Variants in GUCY1A2 observed in about 807,000 individuals in gnomAD.
GUCY1A2 encodes the protein guanylate cyclase 1 soluble subunit alpha 2, also known as guanylate cyclase soluble subunit alpha-2.
A neutral mutation model predicts 63.5 loss-of-function variants in GUCY1A2; 27 were observed. The ratio of observed to expected loss-of-function variants is 0.43; its 90% confidence interval spans 0.31 to 0.59. The LOEUF (loss-of-function observed/expected upper bound fraction) is 0.59, where lower values mean the gene tolerates loss of function less well. Among genes scored for constraint, GUCY1A2 ranks in the 20% least tolerant of loss-of-function variants. GUCY1A2 has a pLI of 0.11. For missense variants in GUCY1A2, 768 were observed against 913.3 expected, an observed-to-expected ratio of 0.84 and a Z score of 2.05; for synonymous variants, 364 against 343.5, an observed-to-expected ratio of 1.06 and a Z score of -0.66.
chr11:106,877,015 C>T (rs182305435), intron 4 of GUCY1A2, among the ~76,000 whole-genome samples: 4 of 152,018 alleles, frequency 2.6e-5, no homozygotes, highest in South Asian at 2.1e-4. Flanking sequence ...CTTATAAGAA[C>T]GAAGCAAAGG....
Position 106,978,503 on chromosome 11 carries a change from G to T in GUCY1A2, c.487+116C>A, listed in dbSNP as rs1415465971. 9 of 615,540 alleles carry T rather than the reference G, an allele frequency of 1.5e-5. No individual in the cohort carries two copies. The East Asian group carries it at 2.8e-4, about 19-fold the overall frequency. The allele number at this position is 615,540 out of a possible 1,614,324, so 38.1% of individuals were successfully genotyped here. On this transcript the variant is annotated intron_variant, in intron 3 of 7. Transcript: ENST00000526355. ...ACACCCATCACTTCACAAGGTCTGG[G>T]TCTCAACTTGCCATATTCTCCACAT... is the stretch of plus-strand genomic sequence containing the variant.
chr11:106,869,938 G>C (rs1006194388), intron 4 of GUCY1A2, among the ~76,000 whole-genome samples: 1 of 152,062 alleles, frequency 6.6e-6, no homozygotes. Context: ...AAAAAAGGAT[G>C]AGTTCATGTC....
chr11:106,970,637 A>G (rs1268128811), intron 3 of GUCY1A2, among the ~76,000 whole-genome samples: 1 of 152,178 alleles, frequency 6.6e-6, no homozygotes, highest in Non-Finnish European at 1.5e-5. Flanking sequence ...TGCTTTTGGA[A>G]AGGCAAATGG....
chr11:106,708,498 C>T lies in GUCY1A2; in HGVS notation c.1991+14G>A, dbSNP rs1477670864. 6.2e-7 allele frequency: 1 copy of T among 1,604,098 alleles called. No homozygotes were observed. The highest frequency in any genetic ancestry group is 1.3e-5 in the African/African-American group (1 of 74,304). On this transcript the variant is annotated intron_variant, in intron 7 of 7. Transcript: ENST00000526355. ...AAGGCCAAGACAGGAAGGAGGAGGC[C>T]AGAGAACACTTACTGGTAAGTGGTT...
intron 6 of GUCY1A2, among the ~76,000 whole-genome samples, chr11:106,724,880 T>C (rs1048556329): frequency 7.9e-5 from 12 of 152,222 alleles, no homozygotes; most frequent in Admixed American, 6.5e-4. Context: ...TTTCATTTAC[T>C]AGATTAGCTT....
intron 1 of GUCY1A2, among the ~76,000 whole-genome samples, chr11:107,012,249 GCTT>G (rs753981864): frequency 1.3e-3 from 163 of 123,122 alleles, no homozygotes; most frequent in Non-Finnish European, 2.2e-3. Context: ...AAAATACAGT[GCTT>G]CTTATTACTT....
At chr11:106,954,006 T>A (rs1295278198) in intron 3 of GUCY1A2, among the ~76,000 whole-genome samples, 1 of 152,176 alleles carries the variant, frequency 6.6e-6, no homozygotes, top group Admixed American at 6.5e-5. Flanking sequence ...TTCATGTCTC[T>A]ATCTCCTTCA....
intron 4 of GUCY1A2, among the ~76,000 whole-genome samples, chr11:106,894,992 C>G (rs1313940742): frequency 6.6e-6 from 1 of 152,068 alleles, no homozygotes; most frequent in Non-Finnish European, 1.5e-5. Context: ...GTTAATAAAA[C>G]TAATAAGCCT....
At chr11:106,904,715 T>G (rs1436807417) in intron 4 of GUCY1A2, among the ~76,000 whole-genome samples, 2 of 151,956 alleles carry the variant, frequency 1.3e-5, no homozygotes, top group African/African-American at 4.8e-5. Context: ...ATATTTTATT[T>G]AGGTCCAAAA....
At chr11:106,765,857 T>C (rs767170823) in intron 6 of GUCY1A2, among the ~76,000 whole-genome samples, 1 of 150,458 alleles carries the variant, frequency 6.6e-6, no homozygotes, top group African/African-American at 2.5e-5. Flanking sequence ...TTTTTTATGA[T>C]TGATTGGTTT....
At chr11:106,883,951 A>G (rs138353334) in intron 4 of GUCY1A2, among the ~76,000 whole-genome samples, 4,851 of 152,228 alleles carry the variant, frequency 0.032, 247 homozygotes, top group African/African-American at 0.11. Flanking sequence ...CAGAAAACGA[A>G]ACACCACATG....
intron 4 of GUCY1A2, among the ~76,000 whole-genome samples, chr11:106,880,835 T>C (rs1296720772): frequency 6.6e-6 from 1 of 152,078 alleles, no homozygotes; most frequent in Non-Finnish European, 1.5e-5. Context: ...ATTATTGTTG[T>C]TTGTTGTGAT....
chr11:106,761,669 T>G (rs753443836), intron 6 of GUCY1A2, among the ~76,000 whole-genome samples: 1 of 152,110 alleles, frequency 6.6e-6, no homozygotes, highest in Non-Finnish European at 1.5e-5. Context: ...TTGGAGCAAA[T>G]TTTTGAAGGC....
chr11:106,853,452 A>G (rs1591302570), intron 4 of GUCY1A2, among the ~76,000 whole-genome samples: 1 of 151,792 alleles, frequency 6.6e-6, no homozygotes, highest in African/African-American at 2.4e-5. Context: ...GAAGATATCA[A>G]TTGTATTTTT....
chr11:106,824,761 G>A (rs1199682335), intron 4 of GUCY1A2: 1 of 1,514,444 alleles, frequency 6.6e-7, no homozygotes, highest in Non-Finnish European at 8.8e-7. Flanking sequence ...TGAATAGCTG[G>A]ATTTTTACCA....
At chr11:106,865,398 A>C (rs1240974470) in intron 4 of GUCY1A2, among the ~76,000 whole-genome samples, 1 of 151,758 alleles carries the variant, frequency 6.6e-6, no homozygotes, top group Admixed American at 6.6e-5. Context: ...TTCTGCTCTG[A>C]TCTTAGTTAT....
intron 4 of GUCY1A2, among the ~76,000 whole-genome samples, chr11:106,900,103 A>C (rs1053143405): frequency 6.0e-5 from 9 of 150,434 alleles, no homozygotes; most frequent in Non-Finnish European, 1.5e-5. Flanking sequence ...AAAAAAAAAA[A>C]CAATCTATAA....
chr11:106,858,160 A>G (rs930761869), intron 4 of GUCY1A2, among the ~76,000 whole-genome samples: 4 of 152,202 alleles, frequency 2.6e-5, no homozygotes, highest in African/African-American at 7.2e-5. Context: ...CAAAAGATAG[A>G]TATCTCTTAA....
chr11:106,989,756 T>C (rs1250356773), intron 1 of GUCY1A2, among the ~76,000 whole-genome samples: 2 of 152,160 alleles, frequency 1.3e-5, no homozygotes, highest in African/African-American at 4.8e-5. Flanking sequence ...TTTATAAATA[T>C]TTCCAATGAA....
Sources: allele counts gnomAD v4.1 joint callset (sites outside exome capture counted in the v4.1 genomes callset), GRCh38; gene constraint gnomAD v4.1.1; transcripts MANE v1.5; gene names NCBI Gene and HGNC (gene_info 2026-07-23, HGNC 2026-07-21).